Variants in KCNQ5 observed in about 807,000 individuals in gnomAD.
The protein encoded by KCNQ5 is potassium voltage-gated channel subfamily Q member 5, also known as potassium voltage-gated channel subfamily KQT member 5.
A neutral mutation model predicts 98.2 loss-of-function variants in KCNQ5; 30 were observed. The ratio of observed to expected loss-of-function variants is 0.31; its 90% confidence interval spans 0.23 to 0.41. KCNQ5 has a LOEUF of 0.41. KCNQ5 is among the 10% of genes least tolerant of loss of function. KCNQ5 has a pLI of 1.00. For missense variants in KCNQ5, 835 were observed against 1,182.5 expected, an observed-to-expected ratio of 0.71 and a Z score of 4.31; for synonymous variants, 458 against 449.4, an observed-to-expected ratio of 1.02 and a Z score of -0.24.
At chr6:72,709,837 C>T (rs1325008799) in intron 1 of KCNQ5, among the ~76,000 whole-genome samples, 5 of 152,138 alleles carry the variant, frequency 3.3e-5, no homozygotes. Context: ...ATATTGAGCG[C>T]TCCCTGTGTT....
intron 3 of KCNQ5, among the ~76,000 whole-genome samples, chr6:73,058,180 A>T (rs781731253): frequency 1.1e-4 from 16 of 152,196 alleles, no homozygotes; most frequent in Non-Finnish European, 2.2e-4. Context: ...TGGGAGGCCG[A>T]GGCAGGCGGA....
At chr6:72,706,953 G>C in intron 1 of KCNQ5, among the ~76,000 whole-genome samples, 1 of 152,018 alleles carries the variant, frequency 6.6e-6, no homozygotes, top group Admixed American at 6.5e-5. Context: ...CATTCTACCA[G>C]TATTATACTT....
intron 2 of KCNQ5, among the ~76,000 whole-genome samples, chr6:73,013,417 G>A (rs892639662): frequency 2.6e-5 from 4 of 152,036 alleles, no homozygotes; most frequent in Non-Finnish European, 5.9e-5. Flanking sequence ...TAAAATTTGT[G>A]AACTCAAGAA....
intron 1 of KCNQ5, among the ~76,000 whole-genome samples, chr6:72,719,464 A>G (rs1769832389): frequency 6.6e-6 from 1 of 152,222 alleles, no homozygotes. Context: ...TACCAGCAAT[A>G]TTCCATTTAA....
intron 1 of KCNQ5, among the ~76,000 whole-genome samples, chr6:72,985,112 A>C (rs1768700761): frequency 6.6e-6 from 1 of 152,210 alleles, no homozygotes; most frequent in Non-Finnish European, 1.5e-5. Context: ...AGGCTGAAGC[A>C]GGAGGATTGC....
chr6:72,813,523 A>G (rs73756526), intron 1 of KCNQ5, among the ~76,000 whole-genome samples: 377 of 152,268 alleles, frequency 2.5e-3, no homozygotes, highest in African/African-American at 8.4e-3. Context: ...ACGTCCCACA[A>G]TTAATAGAAA....
intron 1 of KCNQ5, among the ~76,000 whole-genome samples, chr6:72,776,177 G>A (rs1773154176): frequency 6.6e-6 from 1 of 152,162 alleles, no homozygotes; most frequent in Non-Finnish European, 1.5e-5. Flanking sequence ...AGTAGGCACT[G>A]TGTTACACCG....
chr6:72,961,600 T>G (rs1319643502), intron 1 of KCNQ5, among the ~76,000 whole-genome samples: 10 of 120,650 alleles, frequency 8.3e-5, no homozygotes, highest in African/African-American at 3.3e-4. Flanking sequence ...CCAGCCTGGG[T>G]GACAGAGCGA....
chr6:72,703,064 C>G (rs1014535493), intron 1 of KCNQ5, among the ~76,000 whole-genome samples: 1 of 152,180 alleles, frequency 6.6e-6, no homozygotes, highest in South Asian at 2.1e-4. Flanking sequence ...GTTTCTGTCA[C>G]CCCACTGCTA....
intron 10 of KCNQ5, among the ~76,000 whole-genome samples, chr6:73,143,164 T>C (rs1776788816): frequency 6.6e-6 from 1 of 152,208 alleles, no homozygotes; most frequent in South Asian, 2.1e-4. Flanking sequence ...AGCAATTGAG[T>C]GGATTCCATA....
intron 1 of KCNQ5, among the ~76,000 whole-genome samples, chr6:72,932,515 A>G (rs1017871810): frequency 1.3e-5 from 2 of 152,228 alleles, no homozygotes; most frequent in African/African-American, 4.8e-5. Context: ...GACAAAAATA[A>G]ACACTTAATT....
intron 2 of KCNQ5, among the ~76,000 whole-genome samples, chr6:73,038,268 G>A (rs74197654): frequency 0.047 from 7,179 of 151,988 alleles, 258 homozygotes; most frequent in East Asian, 0.1. Flanking sequence ...GAGTGTCTTC[G>A]TAGATTTCTT....
intron 1 of KCNQ5, among the ~76,000 whole-genome samples, chr6:72,722,792 C>CAAT (rs368740876): frequency 0.012 from 1,691 of 146,752 alleles, 27 homozygotes; most frequent in African/African-American, 0.04. Flanking sequence ...ATTATAATGA[C>CAAT]AATAATAATA....
chr6:72,948,817 T>C (rs1481672417), intron 1 of KCNQ5, among the ~76,000 whole-genome samples: 1 of 152,156 alleles, frequency 6.6e-6, no homozygotes, highest in Non-Finnish European at 1.5e-5. Context: ...ATGACTTTAA[T>C]TGATGTTGAC....
chr6:72,813,798 G>T (rs1271716229), intron 1 of KCNQ5, among the ~76,000 whole-genome samples: 1 of 152,096 alleles, frequency 6.6e-6, no homozygotes, highest in African/African-American at 2.4e-5. Flanking sequence ...TATGTAAATA[G>T]TTGTTTTACT....
chr6:72,892,257 CTT>C (rs1208503693), intron 1 of KCNQ5, among the ~76,000 whole-genome samples: 1 of 152,186 alleles, frequency 6.6e-6, no homozygotes, highest in African/African-American at 2.4e-5. Context: ...AGCAGCATCA[CTT>C]TATGCACAAC....
At chr6:72,768,367 G>A (rs942555445) in intron 1 of KCNQ5, among the ~76,000 whole-genome samples, 1 of 151,938 alleles carries the variant, frequency 6.6e-6, no homozygotes, top group Non-Finnish European at 1.5e-5. Context: ...AAAAGGTGAG[G>A]AAGGGAAGAT....
intron 1 of KCNQ5, among the ~76,000 whole-genome samples, chr6:72,665,351 A>AAT (rs892005250): frequency 6.6e-6 from 1 of 151,856 alleles, no homozygotes; most frequent in Non-Finnish European, 1.5e-5. Flanking sequence ...CAAAAAAAAA[A>AAT]AAAAAAAAAT....
intron 3 of KCNQ5, 54 bp from the exon 4 acceptor site, chr6:73,077,268 A>G: frequency 6.6e-7 from 1 of 1,519,062 alleles, no homozygotes; most frequent in South Asian, 1.2e-5. Context: ...TTGTTTTGGT[A>G]AATAAAAATT....
Sources: allele counts gnomAD v4.1 joint callset (sites outside exome capture counted in the v4.1 genomes callset), GRCh38; gene constraint gnomAD v4.1.1; transcripts MANE v1.5; gene names NCBI Gene and HGNC (gene_info 2026-07-23, HGNC 2026-07-21).